BAD: variants seen among roughly 807,000 people sequenced by gnomAD.
The protein encoded by BAD is BCL2 associated agonist of cell death, also known as bcl2-associated agonist of cell death.
A neutral mutation model predicts 17.8 loss-of-function variants in BAD; 18 were observed. The ratio of observed to expected loss-of-function variants is 1.01; its 90% CI spans 0.70 to 1.50. The LOEUF (loss-of-function observed/expected upper bound fraction) is 1.50, where lower values mean the gene tolerates loss of function less well. Ranked by LOEUF, BAD falls within the 40% of genes most tolerant of loss-of-function variation. The pLI is 0.00. For synonymous variants in BAD, 112 were observed against 91.5 expected (o/e 1.22, Z -1.28); for missense variants, 294 against 239.3 (o/e 1.23, Z -1.51).
intron 2 of BAD, among the ~76,000 whole-genome samples, chr11:64,277,812 C>G (rs749506568): frequency 6.6e-6 from 1 of 152,150 alleles, no homozygotes; most frequent in Admixed American, 6.6e-5. Flanking sequence ...CAGTGGGCCA[C>G]GTGGTCTCTG....
intron 2 of BAD, among the ~76,000 whole-genome samples, chr11:64,283,094 T>C (rs918075477): frequency 2.0e-5 from 3 of 152,042 alleles, no homozygotes; most frequent in Non-Finnish European, 4.4e-5. Flanking sequence ...AAGCAAGCTA[T>C]GGGGTCCAAT....
intron 3 of BAD, chr11:64,270,654 G>C: frequency 1.7e-6 from 1 of 590,624 alleles, no homozygotes; most frequent in South Asian, 1.5e-5. Context: ...AAAGGGCCGG[G>C]AGCGATGGTG....
chr11:64,282,616 C>T (rs867538823), intron 2 of BAD, among the ~76,000 whole-genome samples: 4 of 152,178 alleles, frequency 2.6e-5, no homozygotes, highest in Middle Eastern at 6.8e-3. Context: ...TGGTGGCTCA[C>T]GCCTGTAATC....
At chr11:64,277,269 C>T (rs1266289555) in intron 2 of BAD, among the ~76,000 whole-genome samples, 1 of 152,202 alleles carries the variant, frequency 6.6e-6, no homozygotes, top group African/African-American at 2.4e-5. Flanking sequence ...AGTGCTGCCA[C>T]CCCACCCTGG....
At chr11:64,283,386 C>A (rs1157643065) in intron 2 of BAD, among the ~76,000 whole-genome samples, 1 of 152,184 alleles carries the variant, frequency 6.6e-6, no homozygotes. Context: ...TGTTGTTGTT[C>A]CAGGTGCCAA....
chr11:64,271,863 C>A, intron 2 of BAD, 60 bp from the exon 3 acceptor site: 1 of 1,276,642 alleles, frequency 7.8e-7, no homozygotes, highest in Middle Eastern at 2.4e-4. Context: ...AGCCCCTGGC[C>A]CTGCCTGAAC....
chr11:64,271,697 G>A lies in BAD; in HGVS notation c.294C>T (p.Arg98=). ...CTGCCCAGAGGTTGGGGGGCGCCGA[G>A]CGCGAGCGGCCCCGAAAGGGGCTGG... The part of the protein sequence containing the change: ...EEPSPFRGRS[R]SAPPNLWAAQ... The change falls in exon 3 of 4, where the codon CGC becomes CGT. Residue 98 remains arginine (R), a synonymous_variant. Transcript: ENST00000309032. 1 of 1,471,736 alleles carries A rather than the reference G, an allele frequency of 6.8e-7. No individual in the cohort carries two copies. Among genetic ancestry groups the A allele is most frequent in the Non-Finnish European group, 9.0e-7 (1 of 1,113,712 alleles). The allele number at this position is 1,471,736 out of a possible 1,614,324, so 91.2% of individuals were successfully genotyped here.
At chr11:64,274,569 T>C (rs1237967287) in intron 2 of BAD, among the ~76,000 whole-genome samples, 1 of 151,890 alleles carries the variant, frequency 6.6e-6, no homozygotes, top group Non-Finnish European at 1.5e-5. Flanking sequence ...ACGCCTGTAA[T>C]CCCAGCACTT....
chr11:64,271,666 G>A lies in BAD; in HGVS notation c.325C>T (p.Arg109Cys). The part of the protein sequence containing the change: ...SAPPNLWAAQ[R>C]YGRELRRMSD... ...ATCCTCCGGAGCTCGCGGCCATAGC[G>A]CTGTGCTGCCCAGAGGTTGGGGGGC... The change falls in exon 3 of 4, where the codon CGC (arginine) becomes TGC (cysteine). Residue 109 changes from arginine to cysteine, a missense_variant. Coordinates refer to ENST00000309032, the MANE Select transcript of BAD (RefSeq NM_032989.3). 2.0e-6 allele frequency: 3 copies of A among 1,508,876 alleles called. No individual in the cohort carries two copies. The highest frequency in any genetic ancestry group is 1.8e-6 in the Non-Finnish European group (2 of 1,127,732). The allele number at this position is 1,508,876 out of a possible 1,614,324, so 93.5% of individuals were successfully genotyped here. A position where few individuals can be genotyped will look rare whatever the true frequency, so the allele number is the denominator to read the frequency against.
intron 2 of BAD, chr11:64,276,282 G>GTGTATATATT (rs1456708027): frequency 9.6e-4 from 54 of 56,014 alleles, no homozygotes; most frequent in African/African-American, 5.3e-3. Context: ...ATTTATGTGT[G>GTGTATATATT]TGTGTGTGTA....
Position 64,274,995 on chromosome 11 carries a change from A to AAAAAAAAAAAG in BAD, c.188-3193_188-3192insCTTTTTTTTTT, listed in dbSNP as rs2032950779. 1.4e-5 allele frequency among the ~76,000 whole-genome samples: 2 copies of AAAAAAAAAAAG among 146,590 alleles called. 1 individual carries two copies. The highest frequency in any genetic ancestry group is 5.0e-5 in the African/African-American group (2 of 39,800). ...GAGACAGAGTGAGACTTTGTCTCAA[A>AAAAAAAAAAAG]AAAAAAAAAAAAAAAAAAAAGCGAG... On this transcript the variant is annotated intron_variant, in intron 2 of 3. Transcript: ENST00000309032.
intron 3 of BAD, among the ~76,000 whole-genome samples, chr11:64,270,904 C>G (rs1326152606): frequency 1.8e-4 from 6 of 32,618 alleles, no homozygotes; most frequent in African/African-American, 3.6e-4. Flanking sequence ...CTGTGAGACA[C>G]ACACACACAC....
intron 2 of BAD, among the ~76,000 whole-genome samples, chr11:64,278,432 CTAA>C (rs1258996205): frequency 6.6e-6 from 1 of 150,436 alleles, no homozygotes; most frequent in East Asian, 1.9e-4. Context: ...AATGGCAGTT[CTAA>C]TAATAAGAGC....
At chr11:64,280,975 A>T (rs1053863773) in intron 2 of BAD, among the ~76,000 whole-genome samples, 8 of 101,770 alleles carry the variant, frequency 7.9e-5, no homozygotes, top group Non-Finnish European at 1.3e-4. Context: ...GCCAATAATA[A>T]TTTTTTTTTT....
At chr11:64,279,514 C>G (rs2135127584) in intron 2 of BAD, among the ~76,000 whole-genome samples, 1 of 152,326 alleles carries the variant, frequency 6.6e-6, no homozygotes, top group South Asian at 2.1e-4. Flanking sequence ...TGCCTGTAAT[C>G]CCAGCATTTT....
At chr11:64,279,762 C>CAA (rs35718358) in intron 2 of BAD, among the ~76,000 whole-genome samples, 302 of 103,608 alleles carry the variant, frequency 2.9e-3, no homozygotes, top group Middle Eastern at 5.4e-3. Flanking sequence ...GACTCTATCT[C>CAA]AAAAAAAAAA....
rs768575949 is a variant in BAD, at chr11:64,270,191, C to A, written c.*18G>T. The A allele has an allele frequency of 6.2e-7, 1 of 1,613,942 alleles. No homozygotes were observed. The highest frequency in any genetic ancestry group is 8.5e-7 in the Non-Finnish European group (1 of 1,179,948). On this transcript the variant is annotated 3_prime_UTR_variant, in exon 4 of 4. Coordinates refer to ENST00000309032, the MANE Select transcript of BAD (RefSeq NM_032989.3). The stretch of plus-strand genomic sequence containing the variant: ...AGGGCAGTGGGAACGGGTGGAGTTT[C>A]GGGATGTGGAGCGAAGGTCACTGGG...
chr11:64,284,213 C>T lies in BAD; in HGVS notation c.156G>A (p.Gln52=), dbSNP rs1039826529. ...PGLLWDASHQ[Q]EQPTSSSHHG... is the part of the protein sequence containing the mutation. ...GATGGCTGCTGCTGGTTGGCTGCTC[C>T]TGCTGGTGACTGGCGTCCCACAGGA... The change falls in exon 2 of 4, where the codon CAG becomes CAA. Residue 52 remains glutamine, a synonymous_variant. Transcript: ENST00000309032. The T allele has an allele frequency of 5.6e-6, 9 of 1,603,952 alleles. No homozygotes were observed. The African/African-American group carries it at 1.2e-4, about 22-fold the overall frequency.
At chr11:64,279,686 C>T (rs887379530) in intron 2 of BAD, among the ~76,000 whole-genome samples, 9 of 151,330 alleles carry the variant, frequency 5.9e-5, no homozygotes, top group African/African-American at 2.2e-4. Flanking sequence ...TGGCATGAAC[C>T]CAGGAGGTGG....
Sources: allele counts gnomAD v4.1 joint callset (sites outside exome capture counted in the v4.1 genomes callset), GRCh38; gene constraint gnomAD v4.1.1; transcripts MANE v1.5; gene names NCBI Gene and HGNC (gene_info 2026-07-23, HGNC 2026-07-21).